ADAMTS18: variants seen among roughly 807,000 people sequenced by gnomAD.
ADAMTS18 encodes ADAM metallopeptidase with thrombospondin type 1 motif 18.
ADAMTS18 carries 157 observed loss-of-function variants against 165.9 expected under a neutral mutation model. That is an observed-to-expected ratio of 0.95 (90% CI 0.83 to 1.08). The LOEUF (loss-of-function observed/expected upper bound fraction) is 1.08, where lower values mean the gene tolerates loss of function less well. ADAMTS18 is among the 50% of genes least tolerant of loss of function. ADAMTS18 has a pLI of 0.00. For missense variants in ADAMTS18, 2,040 were observed against 1,534.0 expected (o/e 1.33, Z -5.51); for synonymous variants, 782 against 578.2 (o/e 1.35, Z -5.06).
At chr16:77,351,311 T>C (rs1447330144) in intron 10 of ADAMTS18, among the ~76,000 whole-genome samples, 3 of 152,212 alleles carry the variant, frequency 2.0e-5, no homozygotes, top group Admixed American at 2.0e-4. Flanking sequence ...TTTGACTCAA[T>C]CTTTTATTTT....
At chr16:77,413,807 G>GA (rs34499809) in intron 3 of ADAMTS18, among the ~76,000 whole-genome samples, 1,846 of 124,058 alleles carry the variant, frequency 0.015, 81 homozygotes, top group African/African-American at 0.048. Flanking sequence ...GTTTCCATCT[G>GA]AAAAAAAAAA....
intron 18 of ADAMTS18, among the ~76,000 whole-genome samples, chr16:77,296,007 A>AAGT (rs112020348): frequency 4.8e-5 from 7 of 146,974 alleles, no homozygotes; most frequent in Admixed American, 1.3e-4. Flanking sequence ...GAAAAAAAAA[A>AAGT]GTGTGTGTGT....
chr16:77,364,175 C>A lies in ADAMTS18; in HGVS notation c.972+13G>T, dbSNP rs1358435975. The A allele has an allele frequency of 2.5e-6, 4 of 1,613,970 alleles. No homozygotes were observed. The highest frequency in any genetic ancestry group is 1.3e-5 in the African/African-American group (1 of 74,896). ...CTTTGGAGAGCCAGAAGGTTTGTGA[C>A]ACCCCCGCTTACCATGTTCATTACT... On this transcript the variant is annotated intron_variant, in intron 5 of 22. Coordinates refer to ENST00000282849, the MANE Select transcript of ADAMTS18 (RefSeq NM_199355.4).
chr16:77,409,427 G>T (rs2057432812), intron 3 of ADAMTS18, among the ~76,000 whole-genome samples: 1 of 152,068 alleles, frequency 6.6e-6, no homozygotes, highest in South Asian at 2.1e-4. Flanking sequence ...TTTAACTGGG[G>T]ACTGGCTTAT....
intron 3 of ADAMTS18, among the ~76,000 whole-genome samples, chr16:77,370,224 G>A (rs999578571): frequency 1.3e-5 from 2 of 152,142 alleles, no homozygotes; most frequent in African/African-American, 4.8e-5. Context: ...AGTACTGGAA[G>A]TCCTGGGTAG....
At chr16:77,382,260 G>A (rs187026891) in intron 3 of ADAMTS18, among the ~76,000 whole-genome samples, 23 of 152,286 alleles carry the variant, frequency 1.5e-4, no homozygotes, top group African/African-American at 4.6e-4. Flanking sequence ...GCCCAGGCTG[G>A]AGTGCAGTGG....
chr16:77,358,628 G>C (rs923526814), intron 8 of ADAMTS18, among the ~76,000 whole-genome samples: 1 of 152,306 alleles, frequency 6.6e-6, no homozygotes, highest in East Asian at 1.9e-4. Flanking sequence ...AATGATGTTT[G>C]CTTTTAAGTC....
In ADAMTS18 at chr16:77,337,221, G is replaced by A. The variant is rs1028369432; in HGVS notation, c.1711-1317C>T. 2.0e-5 allele frequency among the ~76,000 whole-genome samples: 3 copies of A among 152,184 alleles called. No individual in the cohort carries two copies. The South Asian group carries it at 6.2e-4, about 32-fold the overall frequency. ...TTTTGGGGAAGGCTATCGGTCATTT[G>A]AGGATTTTGCCTACCATAAGCATGC... On this transcript the variant is annotated intron_variant, in intron 11 of 22. Transcript: ENST00000282849.
chr16:77,362,186 T>G lies in ADAMTS18; in HGVS notation c.1135A>C (p.Asn379His), dbSNP rs200988071. ...ATGGCATGATCATGTCTCTTGCCAT[T>G]CTTTCCAATGAGGGCAGACTGCCAT... ...CQWQSALIGK[N>H]GKRHDHAILL... Residue 379 changes from asparagine to histidine, a missense_variant, in exon 7 of 23, where the codon AAT becomes CAT. Physicochemically the swap from Asn to His is moderately conservative, Grantham distance 68. Coordinates refer to ENST00000282849, the MANE Select transcript of ADAMTS18 (RefSeq NM_199355.4). 5.7e-5 allele frequency: 92 copies of G among 1,614,004 alleles called. No individual in the cohort carries two copies. The highest frequency in any genetic ancestry group is 7.2e-5 in the Non-Finnish European group (85 of 1,180,022).
chr16:77,421,870 G>C (rs901324107), intron 3 of ADAMTS18, among the ~76,000 whole-genome samples: 6 of 152,028 alleles, frequency 3.9e-5, no homozygotes, highest in African/African-American at 1.5e-4. Flanking sequence ...ACATTAATCA[G>C]AAGAAAATAA....
rs560744678 is a variant in ADAMTS18, at chr16:77,346,940, A to G, written c.1615-5141T>C. On this transcript the variant is annotated intron_variant, in intron 10 of 22. Coordinates refer to ENST00000282849, the MANE Select transcript of ADAMTS18 (RefSeq NM_199355.4). ...AGGCAGAATATTTCCATCACTCCAAAAAGTTCCCCTGTCCCCTTTTGCAGT... is the reference window on the plus strand; with the variant it reads ...AGGCAGAATATTTCCATCACTCCAAGAAGTTCCCCTGTCCCCTTTTGCAGT... 5.5e-4 allele frequency among the ~76,000 whole-genome samples: 84 copies of G among 152,316 alleles called. 2 individuals are homozygous for G. Among genetic ancestry groups the G allele is most frequent in the Non-Finnish European group, 7.9e-4 (54 of 68,022 alleles).
In ADAMTS18 at chr16:77,355,920, C is replaced by A; in HGVS notation, c.1460+20G>T. On this transcript the variant is annotated intron_variant, in intron 9 of 22. Coordinates refer to ENST00000282849, the MANE Select transcript of ADAMTS18 (RefSeq NM_199355.4). ...CATCACTCCAAACCTAGGAGCACCC[C>A]AGGATTTAACCTGTCATACCTGAGG... is the stretch of plus-strand genomic sequence containing the variant. The A allele has an allele frequency of 6.2e-7, 1 of 1,613,842 alleles. No homozygotes were observed. Among genetic ancestry groups the A allele is most frequent in the Non-Finnish European group, 8.5e-7 (1 of 1,179,794 alleles).
At chr16:77,370,365 TAGAGG>T (rs1567519793) in intron 3 of ADAMTS18, among the ~76,000 whole-genome samples, 5 of 152,136 alleles carry the variant, frequency 3.3e-5, no homozygotes, top group African/African-American at 9.7e-5. Context: ...ACTATTAGAA[TAGAGG>T]AACACAGTAG....
intron 9 of ADAMTS18, 89 bp from the exon 10 acceptor site, chr16:77,353,975 A>G (rs962078508): frequency 2.7e-6 from 4 of 1,467,570 alleles, no homozygotes; most frequent in Admixed American, 1.7e-5. Context: ...ATTCATGCAA[A>G]GAAAAATATA....
chr16:77,429,372 G>A (rs1284466773), intron 3 of ADAMTS18, among the ~76,000 whole-genome samples: 1 of 152,174 alleles, frequency 6.6e-6, no homozygotes, highest in Non-Finnish European at 1.5e-5. Context: ...TTATAAGTGG[G>A]AGCTAAATGA....
intron 21 of ADAMTS18, chr16:77,290,886 T>G: frequency 3.8e-6 from 1 of 265,732 alleles, no homozygotes; most frequent in Non-Finnish European, 7.3e-6. Flanking sequence ...TTCAGAAACA[T>G]GATGTAAGAA....
chr16:77,384,641 C>T lies in ADAMTS18; in HGVS notation c.496-16918G>A, dbSNP rs202195424. On this transcript the variant is annotated intron_variant, in intron 3 of 22. Transcript: ENST00000282849. ...GTTATAGAAAACCCTGGCTAACACC[C>T]AACTTATGGGGCATTTCTACTGCCT... Among the ~76,000 whole-genome samples the T allele has an allele frequency of 4.0e-4, 61 of 152,252 alleles. No individual in the cohort carries two copies. In the South Asian group the frequency reaches 0.013, roughly 32 times the overall value.
In ADAMTS18 at chr16:77,295,131, T is replaced by C; in HGVS notation, c.2802-4A>G. The C allele has an allele frequency of 6.2e-7, 1 of 1,614,146 alleles. No individual in the cohort carries two copies. The highest frequency in any genetic ancestry group is 2.2e-5 in the East Asian group (1 of 44,866). ...ACTCCATTCACCTGGCATCCAGCTT[T>C]CAGTGCAAAACAAACATTACCAATG... On this transcript the variant is annotated splice_polypyrimidine_tract_variant and splice_region_variant and intron_variant, in intron 18 of 22. Transcript: ENST00000282849.
At chr16:77,366,967 A>T (rs538978649) in intron 4 of ADAMTS18, among the ~76,000 whole-genome samples, 10 of 152,292 alleles carry the variant, frequency 6.6e-5, no homozygotes, top group African/African-American at 2.4e-4. Flanking sequence ...TCTATTGGAC[A>T]TCGCTGGTCT....
Sources: allele counts gnomAD v4.1 joint callset (sites outside exome capture counted in the v4.1 genomes callset), GRCh38; gene constraint gnomAD v4.1.1; transcripts MANE v1.5; gene names NCBI Gene and HGNC (gene_info 2026-07-23, HGNC 2026-07-21).